ADGRV1: variants seen among roughly 807,000 people sequenced by gnomAD.
The protein encoded by ADGRV1 is G-protein coupled receptor 98.
A neutral mutation model predicts 596.2 loss-of-function variants in ADGRV1; 359 were observed. The ratio of observed to expected loss-of-function variants is 0.60; its 90% CI spans 0.55 to 0.66. The LOEUF (loss-of-function observed/expected upper bound fraction) is 0.66, where lower values mean the gene tolerates loss of function less well. ADGRV1 is among the 30% of genes least tolerant of loss of function. The pLI is 0.00. For synonymous variants in ADGRV1, 2,681 were observed against 2,679.2 expected (o/e 1.00, Z -0.02); for missense variants, 7,274 against 7,575.6 (o/e 0.96, Z 1.48).
intron 1 of ADGRV1, among the ~76,000 whole-genome samples, chr5:90,585,069 A>G (rs1162544489): frequency 6.6e-6 from 1 of 152,206 alleles, no homozygotes; most frequent in Non-Finnish European, 1.5e-5. Flanking sequence ...TGATGATGAT[A>G]TATTCATACT....
Position 90,776,521 on chromosome 5 carries a change from A to G in ADGRV1, c.12472A>G (p.Arg4158Gly), listed in dbSNP as rs374488227. The G allele has an allele frequency of 4.3e-6, 7 of 1,613,096 alleles. No homozygotes were observed. Among genetic ancestry groups the G allele is most frequent in the Non-Finnish European group, 5.1e-6 (6 of 1,179,356 alleles). ...SGEVGIAPSS[R>G]HILIGEPSAK... ...AGAAGTTGGGATAGCTCCGTCATCTAGGCACATCCTCATTGGGGAACCCTC... is the reference window on the plus strand; with the variant it reads ...AGAAGTTGGGATAGCTCCGTCATCTGGGCACATCCTCATTGGGGAACCCTC... The change falls in exon 61 of 90, where the codon AGG becomes GGG. Residue 4158 changes from arginine to glycine, a missense_variant. Around this residue, in one of 5 missense-constraint regions of ADGRV1, gnomAD observed 3,643 missense variants for 3,809.2 expected, o/e 0.96. Transcript: ENST00000405460.
At chr5:91,123,443 G>A (rs1475316592) in intron 87 of ADGRV1, among the ~76,000 whole-genome samples, 1 of 152,118 alleles carries the variant, frequency 6.6e-6, no homozygotes, top group African/African-American at 2.4e-5. Context: ...CATGGCAGAA[G>A]AGCAAAGGGA....
chr5:90,757,244 T>G, intron 57 of ADGRV1, 83 bp downstream of exon 57: 1 of 1,051,190 alleles, frequency 9.5e-7, no homozygotes, highest in Non-Finnish European at 1.5e-6. Flanking sequence ...TGTACATTGG[T>G]GATTGCTAAA....
Position 90,756,555 on chromosome 5 carries a change from C to T in ADGRV1, c.11682C>T (p.Pro3894=), listed in dbSNP as rs2438349. The stretch of plus-strand genomic sequence containing the variant: ...CAGGACAGCCAAGTGTGCGGAGGCC[C>T]GGAATGGAAATAGCTGAGATAATGA... The part of the protein sequence containing the change: ...FSTGQPSVRR[P]GMEIAEIMIE... The change falls in exon 56 of 90, where the codon CCC becomes CCT. Residue 3894 remains proline (P), a synonymous_variant. Coordinates refer to ENST00000405460, the MANE Select transcript of ADGRV1 (RefSeq NM_032119.4). 749,671 of 1,610,038 alleles carry T rather than the reference C, an allele frequency of 0.47. 178,559 individuals are homozygous for T. The highest frequency in any genetic ancestry group is 0.67 in the African/African-American group (50,111 of 74,834).
At chr5:90,949,142 A>G (rs1357093226) in intron 83 of ADGRV1, among the ~76,000 whole-genome samples, 1 of 152,164 alleles carries the variant, frequency 6.6e-6, no homozygotes, top group Non-Finnish European at 1.5e-5. Flanking sequence ...CACATACTAC[A>G]TGGTTCCATT....
chr5:90,649,960 C>T (rs1206213042), intron 17 of ADGRV1, among the ~76,000 whole-genome samples: 3 of 152,130 alleles, frequency 2.0e-5, no homozygotes, highest in Admixed American at 2.0e-4. Context: ...CTGCATTTGT[C>T]TTTAATATTT....
At chr5:91,134,660 C>A (rs13190101) in intron 87 of ADGRV1, among the ~76,000 whole-genome samples, 12,784 of 152,194 alleles carry the variant, frequency 0.084, 636 homozygotes, top group South Asian at 0.19. Context: ...AACATTTCCT[C>A]ATACAAACCT....
At chr5:90,975,555 C>A (rs1779487564) in intron 84 of ADGRV1, among the ~76,000 whole-genome samples, 3 of 152,072 alleles carry the variant, frequency 2.0e-5, no homozygotes, top group African/African-American at 4.8e-5. Flanking sequence ...TTTTTAGGGA[C>A]ATGGATGAAG....
At chr5:90,971,975 C>T (rs1779076331) in intron 84 of ADGRV1, among the ~76,000 whole-genome samples, 1 of 152,064 alleles carries the variant, frequency 6.6e-6, no homozygotes, top group Admixed American at 6.5e-5. Flanking sequence ...GGCAGAGACA[C>T]ACATAGGCTA....
At chr5:91,154,190 A>G (rs1796282661) in intron 89 of ADGRV1, among the ~76,000 whole-genome samples, 1 of 152,246 alleles carries the variant, frequency 6.6e-6, no homozygotes, top group Non-Finnish European at 1.5e-5. Flanking sequence ...TTTTTTCCTC[A>G]GAAAAATGTT....
chr5:91,030,388 G>A (rs1784370454), intron 85 of ADGRV1, among the ~76,000 whole-genome samples: 1 of 152,086 alleles, frequency 6.6e-6, no homozygotes, highest in Non-Finnish European at 1.5e-5. Context: ...AAAAAATGAA[G>A]TGGAGAGAAA....
At chr5:90,918,914 C>T (rs1227676761) in intron 83 of ADGRV1, among the ~76,000 whole-genome samples, 1 of 152,156 alleles carries the variant, frequency 6.6e-6, no homozygotes, top group Non-Finnish European at 1.5e-5. Context: ...TCACAGTGTG[C>T]ATAACCCAGA....
chr5:90,756,424 G>T, intron 55 of ADGRV1, 30 bp from the exon 56 acceptor site: 1 of 1,426,412 alleles, frequency 7.0e-7, no homozygotes, highest in Non-Finnish European at 9.4e-7. Flanking sequence ...AAAAAAAAAT[G>T]AAACACCATC....
In ADGRV1 at chr5:90,994,419, A is replaced by T. The variant is rs561165528; in HGVS notation, c.18152+8897A>T. Among the ~76,000 whole-genome samples, 387 of 152,066 alleles carry T rather than the reference A, an allele frequency of 2.5e-3. 2 individuals are homozygous for T. Among genetic ancestry groups the T allele is most frequent in the African/African-American group, 9.0e-3 (374 of 41,482 alleles). ...TATGTGGTTCTTTTTTATGATTTCTATCTCTTTATTGATATTTTCTATTTG... is the reference window on the plus strand; with the variant it reads ...TATGTGGTTCTTTTTTATGATTTCTTTCTCTTTATTGATATTTTCTATTTG... On this transcript the variant is annotated intron_variant, in intron 85 of 89. Transcript: ENST00000405460.
chr5:91,138,006 A>G (rs1224654805), intron 87 of ADGRV1, among the ~76,000 whole-genome samples: 2 of 152,206 alleles, frequency 1.3e-5, no homozygotes, highest in Admixed American at 6.5e-5. Context: ...AGCAATTACT[A>G]GTTTGCCATA....
At chr5:91,084,093 T>A (rs1302849708) in intron 86 of ADGRV1, among the ~76,000 whole-genome samples, 4 of 152,206 alleles carry the variant, frequency 2.6e-5, no homozygotes, top group East Asian at 1.9e-4. Context: ...GAAGACACCA[T>A]CTTTCTGTCC....
chr5:90,819,010 C>G (rs941353810), intron 75 of ADGRV1, among the ~76,000 whole-genome samples: 5 of 152,030 alleles, frequency 3.3e-5, no homozygotes, highest in Admixed American at 2.6e-4. Flanking sequence ...CTCCTTGTAC[C>G]TCTGGTAGAA....
Position 90,711,236 on chromosome 5 carries a change from A to G in ADGRV1, c.8956A>G (p.Arg2986Gly), listed in dbSNP as rs772275441. 1.2e-6 allele frequency: 2 copies of G among 1,612,228 alleles called. No homozygotes were observed. The highest frequency in any genetic ancestry group is 1.7e-6 in the Non-Finnish European group (2 of 1,178,376). The change falls in exon 41 of 90, where the codon AGA (arginine) becomes GGA (glycine). Residue 2986 changes from arginine to glycine, a missense_variant. By Grantham distance (125) the Arg-to-Gly change is moderately radical. Around this residue, in one of 5 missense-constraint regions of ADGRV1, gnomAD observed 3,643 missense variants for 3,809.2 expected, o/e 0.96. Transcript: ENST00000405460. The stretch of plus-strand genomic sequence containing the variant: ...TTTAACATTGGTAGCCCAGAGGAGC[A>G]GAGAACCTCTTGGCCATGTTTCCTT... ...GSLTLVAQRS[R>G]EPLGHVSLFV... is the part of the protein sequence containing the mutation.
At chr5:91,047,211 G>A (rs938816840) in intron 85 of ADGRV1, among the ~76,000 whole-genome samples, 6 of 152,082 alleles carry the variant, frequency 3.9e-5, no homozygotes, top group African/African-American at 1.4e-4. Flanking sequence ...TAGTCAAACA[G>A]TTCCCTTATT....
Sources: allele counts gnomAD v4.1 joint callset (sites outside exome capture counted in the v4.1 genomes callset), GRCh38; gene constraint gnomAD v4.1.1; regional missense constraint gnomAD v4.1.1; transcripts MANE v1.5; gene names NCBI Gene and HGNC (gene_info 2026-07-23, HGNC 2026-07-21).